Variants in CRADD observed in about 807,000 individuals in gnomAD.
CRADD encodes CARD and death domain containing adaptor protein, also known as death domain-containing protein CRADD.
In CRADD, 9 loss-of-function variants were observed where a neutral mutation model predicts 15.5. That is an observed-to-expected ratio of 0.58 (90% CI 0.35 to 1.01). The LOEUF (loss-of-function observed/expected upper bound fraction) is 1.01. CRADD is among the 50% of genes least tolerant of loss of function. CRADD has a pLI of 0.02. For missense variants in CRADD, 227 were observed against 250.3 expected (o/e 0.91, Z 0.63); for synonymous variants, 118 against 107.6 (o/e 1.10, Z -0.60).
chr12:93,836,949 T>C (rs748519525), intron 2 of CRADD, among the ~76,000 whole-genome samples: 2 of 152,136 alleles, frequency 1.3e-5, no homozygotes, highest in Non-Finnish European at 2.9e-5. Context: ...AGGTGATTTA[T>C]GGACAAAGGG....
At chr12:93,731,713 T>C (rs1355323232) in intron 2 of CRADD, among the ~76,000 whole-genome samples, 1 of 152,244 alleles carries the variant, frequency 6.6e-6, no homozygotes, top group Non-Finnish European at 1.5e-5. Context: ...GCCATATAGC[T>C]TAACGAGTAT....
intron 2 of CRADD, among the ~76,000 whole-genome samples, chr12:93,794,016 C>T (rs1302942125): frequency 6.6e-6 from 1 of 152,162 alleles, no homozygotes; most frequent in Non-Finnish European, 1.5e-5. Flanking sequence ...CACCAATCAC[C>T]ATCTTGCCAT....
intron 2 of CRADD, among the ~76,000 whole-genome samples, chr12:93,879,518 C>T (rs1264124797): frequency 6.6e-6 from 1 of 152,126 alleles, no homozygotes; most frequent in African/African-American, 2.4e-5. Flanking sequence ...CCACGTCTGC[C>T]CCCTAAATGT....
At chr12:93,787,619 C>T (rs1364818936) in intron 2 of CRADD, among the ~76,000 whole-genome samples, 2 of 152,052 alleles carry the variant, frequency 1.3e-5, no homozygotes, top group Non-Finnish European at 2.9e-5. Flanking sequence ...TCTCAAAGGA[C>T]CTTAATGGAA....
At chr12:93,801,870 A>G (rs572995033) in intron 2 of CRADD, among the ~76,000 whole-genome samples, 1 of 152,236 alleles carries the variant, frequency 6.6e-6, no homozygotes, top group East Asian at 1.9e-4. Context: ...GGCCACAACA[A>G]GTCCCCAAAG....
intron 2 of CRADD, among the ~76,000 whole-genome samples, chr12:93,808,480 T>C (rs1291025503): frequency 6.6e-6 from 1 of 152,074 alleles, no homozygotes; most frequent in Non-Finnish European, 1.5e-5. Context: ...TTATTACAAT[T>C]CAAGGTGAGA....
intron 2 of CRADD, among the ~76,000 whole-genome samples, chr12:93,724,396 A>T (rs1046645242): frequency 1.4e-5 from 2 of 141,006 alleles, no homozygotes; most frequent in Non-Finnish European, 3.1e-5. Context: ...AAAAAAAAAA[A>T]TTTCTGCTCC....
chr12:93,805,001 A>C (rs757458646), intron 2 of CRADD, among the ~76,000 whole-genome samples: 2 of 152,116 alleles, frequency 1.3e-5, no homozygotes, highest in African/African-American at 2.4e-5. Context: ...TATAATAGCT[A>C]CTGCTTTCAA....
chr12:93,835,012 A>G (rs1957958075), intron 2 of CRADD, among the ~76,000 whole-genome samples: 1 of 152,230 alleles, frequency 6.6e-6, no homozygotes, highest in Non-Finnish European at 1.5e-5. Context: ...AATTCTCTAT[A>G]AACACTGCAT....
intron 2 of CRADD, among the ~76,000 whole-genome samples, chr12:93,802,376 G>A (rs551003984): frequency 4.6e-4 from 70 of 152,270 alleles, no homozygotes; most frequent in African/African-American, 1.5e-3. Flanking sequence ...TTATAATTAT[G>A]TCTTAGGCTG....
At chr12:93,741,483 A>C (rs1288148977) in intron 2 of CRADD, among the ~76,000 whole-genome samples, 6 of 152,222 alleles carry the variant, frequency 3.9e-5, no homozygotes, top group Non-Finnish European at 8.8e-5. Context: ...ACTCCAGTAA[A>C]AACAATTTAC....
chr12:93,868,635 AC>A (rs1291467232), intron 2 of CRADD, among the ~76,000 whole-genome samples: 2 of 151,808 alleles, frequency 1.3e-5, no homozygotes, highest in Non-Finnish European at 1.5e-5. Context: ...ATCAGACTAA[AC>A]CTTCCACTGA....
At chr12:93,875,305 T>C (rs1044919196) in intron 2 of CRADD, among the ~76,000 whole-genome samples, 1 of 151,994 alleles carries the variant, frequency 6.6e-6, no homozygotes, top group African/African-American at 2.4e-5. Context: ...AGGTGAAGTG[T>C]GTTTCTTGTA....
intron 2 of CRADD, among the ~76,000 whole-genome samples, chr12:93,893,304 G>A (rs894053813): frequency 2.0e-5 from 3 of 152,048 alleles, no homozygotes; most frequent in African/African-American, 7.2e-5. Context: ...TAAAGAAAAG[G>A]ATGCTAATTT....
At chr12:93,722,371 G>C (rs748303350) in intron 2 of CRADD, among the ~76,000 whole-genome samples, 3 of 151,828 alleles carry the variant, frequency 2.0e-5, no homozygotes, top group Non-Finnish European at 4.4e-5. Context: ...CTGGATCTGT[G>C]GTTTGGTGTC....
chr12:93,887,384 G>A (rs1333724205), intron 2 of CRADD, among the ~76,000 whole-genome samples: 1 of 152,216 alleles, frequency 6.6e-6, no homozygotes, highest in Non-Finnish European at 1.5e-5. Context: ...AACGAGTGGA[G>A]GGTAAGGAAG....
At chr12:93,886,162 C>CTTTTTTTTTTTTTTTTTTTT (rs761719331) in intron 2 of CRADD, among the ~76,000 whole-genome samples, 2 of 123,948 alleles carry the variant, frequency 1.6e-5, no homozygotes, top group African/African-American at 6.1e-5. Flanking sequence ...GCTGCTGATG[C>CTTTTTTTTTTTTTTTTTTTT]TTTTTTTTTT....
chr12:93,893,376 C>A (rs1473089147), intron 2 of CRADD, among the ~76,000 whole-genome samples: 1 of 151,302 alleles, frequency 6.6e-6, no homozygotes, highest in Non-Finnish European at 1.5e-5. Context: ...ATTGGACGGA[C>A]ACAATTCCTA....
intron 2 of CRADD, chr12:93,738,311 C>T (rs1405559300): frequency 2.9e-6 from 2 of 698,136 alleles, no homozygotes; most frequent in Non-Finnish European, 5.2e-6. Context: ...CCCATGAGAC[C>T]TCAGGCATGG....
Sources: allele counts gnomAD v4.1 joint callset (sites outside exome capture counted in the v4.1 genomes callset), GRCh38; gene constraint gnomAD v4.1.1; transcripts MANE v1.5; gene names NCBI Gene and HGNC (gene_info 2026-07-23, HGNC 2026-07-21).